DPP10: variants seen among roughly 807,000 people sequenced by gnomAD.
The protein encoded by DPP10 is dipeptidyl peptidase like 10, also known as inactive dipeptidyl peptidase 10.
In DPP10, 33 loss-of-function variants were observed where a neutral mutation model predicts 120.9. The ratio of observed to expected loss-of-function variants is 0.27; its 90% confidence interval spans 0.21 to 0.37. The LOEUF is 0.37. Ranked by LOEUF, DPP10 falls within the 10% of genes least tolerant of loss-of-function variation. The probability of loss-of-function intolerance (pLI) is 1.00; values close to 1 mark genes in which losing one functional copy is unlikely to be tolerated. For synonymous variants in DPP10, 337 were observed against 326.1 expected (o/e 1.03, Z -0.36); for missense variants, 816 against 942.8 (o/e 0.87, Z 1.76).
At chr2:114,927,999 G>T (rs539798560) in intron 1 of DPP10, among the ~76,000 whole-genome samples, 41 of 152,258 alleles carry the variant, frequency 2.7e-4, no homozygotes, top group African/African-American at 9.6e-4. Context: ...CACCAGGGAA[G>T]GCATTAAGGT....
At chr2:115,361,584 C>T (rs932502659) in intron 3 of DPP10, among the ~76,000 whole-genome samples, 1 of 152,158 alleles carries the variant, frequency 6.6e-6, no homozygotes, top group Admixed American at 6.5e-5. Context: ...CCTCTGCTTA[C>T]TCTCCAAGCA....
intron 13 of DPP10, 57 bp downstream of exon 13, chr2:115,768,461 C>A: frequency 6.7e-7 from 1 of 1,500,008 alleles, no homozygotes; most frequent in Non-Finnish European, 9.2e-7. Context: ...CCCCGAAGGC[C>A]CAGTTCTTGT....
intron 1 of DPP10, among the ~76,000 whole-genome samples, chr2:115,236,072 C>G (rs531891577): frequency 1.3e-5 from 2 of 152,136 alleles, no homozygotes; most frequent in Admixed American, 6.5e-5. Context: ...TATACATACT[C>G]CCCCTCCAAA....
chr2:114,798,653 C>T (rs978225323), intron 1 of DPP10, among the ~76,000 whole-genome samples: 3 of 152,080 alleles, frequency 2.0e-5, no homozygotes, highest in African/African-American at 7.2e-5. Context: ...AAGGGCATGA[C>T]AGTGACAGGG....
chr2:115,029,565 C>A (rs978110894), intron 1 of DPP10, among the ~76,000 whole-genome samples: 1 of 151,626 alleles, frequency 6.6e-6, no homozygotes, highest in Non-Finnish European at 1.5e-5. Flanking sequence ...ATTTCTCACT[C>A]ATATTTGAAA....
At chr2:114,956,324 A>C (rs1558920228) in intron 1 of DPP10, among the ~76,000 whole-genome samples, 1 of 151,838 alleles carries the variant, frequency 6.6e-6, no homozygotes, top group African/African-American at 2.4e-5. Context: ...CAAATTAAGA[A>C]ATCTATCCCA....
chr2:114,449,535 C>T (rs1006631594), intron 1 of DPP10, among the ~76,000 whole-genome samples: 1 of 151,558 alleles, frequency 6.6e-6, no homozygotes, highest in Admixed American at 6.6e-5. Context: ...GCCCTACTAC[C>T]TGCAAACGGA....
At chr2:115,717,605 A>AAT (rs2092536760) in intron 7 of DPP10, among the ~76,000 whole-genome samples, 1 of 152,062 alleles carries the variant, frequency 6.6e-6, no homozygotes, top group African/African-American at 2.4e-5. Context: ...TCAAAAAAAA[A>AAT]ATATATATGT....
chr2:115,172,867 A>G (rs1005712846), intron 1 of DPP10, among the ~76,000 whole-genome samples: 2 of 152,268 alleles, frequency 1.3e-5, no homozygotes, highest in Non-Finnish European at 1.5e-5. Context: ...ACCTTTTGTC[A>G]TTGTTTGACA....
In DPP10 at chr2:115,814,978, C is replaced by T. The variant is rs900044408; in HGVS notation, c.1886C>T (p.Thr629Ile). Residue 629 changes from threonine (T) to isoleucine (I), a missense_variant, in exon 20 of 26, where the codon ACA (threonine) becomes ATA (isoleucine). Thr to Ile is a moderately conservative substitution (Grantham distance 89). Coordinates refer to ENST00000410059, the MANE Select transcript of DPP10 (RefSeq NM_020868.6). ...TCAGTAGAAGTAAAGGACCAAATAA[C>T]AGCTGTGAAGTAAGTGGATGCACAT... ...LGSVEVKDQITAVKFLLKLPY... is the reference protein window; with the variant it reads ...LGSVEVKDQIIAVKFLLKLPY... 20 of 1,601,668 alleles carry T rather than the reference C, an allele frequency of 1.2e-5. No individual in the cohort carries two copies. The highest frequency in any genetic ancestry group is 1.4e-5 in the Non-Finnish European group (16 of 1,170,604).
At chr2:114,642,579 C>T (rs1261141426) in intron 1 of DPP10, among the ~76,000 whole-genome samples, 1 of 151,802 alleles carries the variant, frequency 6.6e-6, no homozygotes, top group Non-Finnish European at 1.5e-5. Context: ...TGTATGTGCC[C>T]CCAGGCCATA....
intron 1 of DPP10, among the ~76,000 whole-genome samples, chr2:114,695,816 A>T (rs975780081): frequency 1.3e-5 from 2 of 152,112 alleles, no homozygotes; most frequent in Non-Finnish European, 2.9e-5. Context: ...TTATCAACTG[A>T]ACCTATGCTG....
chr2:114,821,814 C>T (rs761374248), intron 1 of DPP10, among the ~76,000 whole-genome samples: 9 of 152,160 alleles, frequency 5.9e-5, no homozygotes, highest in Non-Finnish European at 1.0e-4. Context: ...TCTTTTGACT[C>T]CATGTCTCAC....
chr2:115,710,399 A>G (rs2092278305), intron 7 of DPP10, among the ~76,000 whole-genome samples: 1 of 152,132 alleles, frequency 6.6e-6, no homozygotes, highest in South Asian at 2.1e-4. Context: ...AGAAAATTAT[A>G]CATTTGTAAC....
intron 17 of DPP10, among the ~76,000 whole-genome samples, chr2:115,784,746 G>A (rs1228603767): frequency 6.6e-6 from 1 of 152,070 alleles, no homozygotes; most frequent in Non-Finnish European, 1.5e-5. Context: ...TGGTCAGGCT[G>A]GTCTCGAACT....
intron 1 of DPP10, among the ~76,000 whole-genome samples, chr2:115,206,927 A>G (rs767566677): frequency 1.3e-5 from 2 of 152,214 alleles, no homozygotes; most frequent in Non-Finnish European, 2.9e-5. Flanking sequence ...AGATGTTATC[A>G]TAAGACCTAA....
intron 1 of DPP10, among the ~76,000 whole-genome samples, chr2:114,807,036 C>T (rs1018637410): frequency 3.3e-5 from 5 of 152,172 alleles, no homozygotes; most frequent in African/African-American, 1.2e-4. Context: ...TTTTACCCAG[C>T]AGACAGAATG....
At chr2:115,835,327 A>G (rs895645969) in intron 21 of DPP10, among the ~76,000 whole-genome samples, 1 of 152,192 alleles carries the variant, frequency 6.6e-6, no homozygotes, top group African/African-American at 2.4e-5. Flanking sequence ...TTGTTAAGAA[A>G]GATGACCAGG....
intron 17 of DPP10, among the ~76,000 whole-genome samples, chr2:115,782,866 A>C (rs1052239874): frequency 7.2e-5 from 11 of 151,996 alleles, no homozygotes; most frequent in Admixed American, 7.2e-4. Flanking sequence ...TTCATTTATG[A>C]ATTTATTCAT....
Sources: allele counts gnomAD v4.1 joint callset (sites outside exome capture counted in the v4.1 genomes callset), GRCh38; gene constraint gnomAD v4.1.1; transcripts MANE v1.5; gene names NCBI Gene and HGNC (gene_info 2026-07-23, HGNC 2026-07-21).